Variants in VPS54 observed in about 807,000 individuals in gnomAD.
VPS54 encodes the protein vacuolar protein sorting-associated protein 54.
A neutral mutation model predicts 121.5 loss-of-function variants in VPS54; 45 were observed. The observed-to-expected ratio is 0.37, with a 90% CI of 0.29 to 0.47. The LOEUF is 0.47. VPS54 is among the 20% of genes least tolerant of loss of function. The pLI, the probability that VPS54 is intolerant of heterozygous loss-of-function variation, is 0.99. For missense variants in VPS54, 1,090 were observed against 1,131.4 expected (o/e 0.96, Z 0.52); for synonymous variants, 371 against 385.8 (o/e 0.96, Z 0.45).
At chr2:63,958,655 T>G (rs1326822913) in intron 7 of VPS54, among the ~76,000 whole-genome samples, 10 of 152,098 alleles carry the variant, frequency 6.6e-5, no homozygotes, top group Non-Finnish European at 1.5e-4. Flanking sequence ...TTCAAGGCTA[T>G]AGTTGAGCTA....
At chr2:63,900,819 G>T (rs185907591) in intron 20 of VPS54, among the ~76,000 whole-genome samples, 1 of 152,106 alleles carries the variant, frequency 6.6e-6, no homozygotes, top group Non-Finnish European at 1.5e-5. Flanking sequence ...CTGGAGTGCA[G>T]TGGTGCAATC....
At chr2:63,898,554 C>G (rs529303415) in intron 21 of VPS54, among the ~76,000 whole-genome samples, 1 of 152,088 alleles carries the variant, frequency 6.6e-6, no homozygotes, top group African/African-American at 2.4e-5. Context: ...AGGAGACCAG[C>G]AGGACCAACA....
intron 3 of VPS54, 76 bp from the exon 4 acceptor site, chr2:63,972,320 G>T: frequency 9.5e-7 from 1 of 1,049,286 alleles, no homozygotes; most frequent in Non-Finnish European, 1.4e-6. Flanking sequence ...TTTTGCAACA[G>T]AATATCAGAA....
intron 1 of VPS54, among the ~76,000 whole-genome samples, chr2:64,010,099 C>T (rs776174838): frequency 7.9e-5 from 12 of 152,160 alleles, no homozygotes; most frequent in Non-Finnish European, 1.5e-4. Context: ...ACCTCGGCCT[C>T]CCAAAGTGCT....
intron 12 of VPS54, among the ~76,000 whole-genome samples, chr2:63,929,848 A>G (rs1674102354): frequency 6.6e-6 from 1 of 152,250 alleles, no homozygotes; most frequent in Non-Finnish European, 1.5e-5. Context: ...CCAACCCCAC[A>G]GAAATACAAA....
At chr2:64,015,298 G>A (rs905292598) in intron 1 of VPS54, among the ~76,000 whole-genome samples, 1 of 152,066 alleles carries the variant, frequency 6.6e-6, no homozygotes, top group Middle Eastern at 3.4e-3. Flanking sequence ...CTAAACATAC[G>A]AAACAGTATC....
At chr2:63,927,286 G>C (rs1439298408) in intron 12 of VPS54, among the ~76,000 whole-genome samples, 3 of 152,088 alleles carry the variant, frequency 2.0e-5, no homozygotes, top group Non-Finnish European at 4.4e-5. Flanking sequence ...ACAGGTGGGT[G>C]CCCCTCTGTG....
At chr2:63,910,111 T>C (rs2104426718) in intron 20 of VPS54, among the ~76,000 whole-genome samples, 1 of 152,254 alleles carries the variant, frequency 6.6e-6, no homozygotes, top group South Asian at 2.1e-4. Context: ...ACATGAAAGG[T>C]TAAAAACTGA....
chr2:63,975,137 C>A, intron 3 of VPS54: 1 of 1,051,152 alleles, frequency 9.5e-7, no homozygotes. Flanking sequence ...CCTCCACCTC[C>A]TGGGTCCAAG....
Position 63,965,929 on chromosome 2 carries a change from A to G in VPS54, c.530T>C (p.Leu177Ser). The G allele has an allele frequency of 1.2e-6, 2 of 1,611,834 alleles. No homozygotes were observed. Among genetic ancestry groups the G allele is most frequent in the Non-Finnish European group, 1.7e-6 (2 of 1,179,470 alleles). Residue 177 changes from leucine (L) to serine (S), a missense_variant, in exon 6 of 23, where the codon TTA becomes TCA. Physicochemically the swap from Leu to Ser is moderately radical, Grantham distance 145 (BLOSUM62 -2). Around this residue, in one of 2 missense-constraint regions of VPS54, gnomAD observed 801 missense variants for 757.0 expected, o/e 1.06. Transcript: ENST00000272322. Reference protein sequence around the residue: ...MKPDFALDDSLTFNSVLPWSH... With the variant: ...MKPDFALDDSSTFNSVLPWSH... The stretch of plus-strand genomic sequence containing the variant: ...CCATGGTAAAACTGAATTAAAAGTT[A>G]AGGAATCATCCAAGGCAAAATCTGG...
chr2:63,978,104 C>T (rs1676632130), intron 3 of VPS54, among the ~76,000 whole-genome samples: 1 of 152,160 alleles, frequency 6.6e-6, no homozygotes, highest in African/African-American at 2.4e-5. Flanking sequence ...GAGCCTGTGC[C>T]CCTGGGCTGC....
intron 7 of VPS54, among the ~76,000 whole-genome samples, chr2:63,949,976 T>C (rs982726522): frequency 2.0e-5 from 3 of 152,176 alleles, no homozygotes; most frequent in African/African-American, 7.2e-5. Flanking sequence ...GCTGCTTCTA[T>C]CTCTTTTTCC....
chr2:63,916,934 G>C lies in VPS54; in HGVS notation c.2194C>G (p.Leu732Val). ...GCATACTGTTGTCCCTCGACAATAAGAACTTCAGCTGGTTTCCTTTCTTCT... is the reference window on the plus strand; with the variant it reads ...GCATACTGTTGTCCCTCGACAATAACAACTTCAGCTGGTTTCCTTTCTTCT... ...ATEERKPAEV[L>V]IVEGQQYAVV... is the part of the protein sequence containing the mutation. Residue 732 changes from leucine (L) to valine (V), a missense_variant, in exon 16 of 23, where the codon CTT becomes GTT. This residue lies in a region of VPS54 where 289 missense variants were observed against 374.4 expected (regional missense o/e 0.77). Coordinates refer to ENST00000272322, the MANE Select transcript of VPS54 (RefSeq NM_016516.3). 1 of 1,613,616 alleles carries C rather than the reference G, an allele frequency of 6.2e-7. No individual in the cohort carries two copies. The highest frequency in any genetic ancestry group is 8.5e-7 in the Non-Finnish European group (1 of 1,179,658).
intron 3 of VPS54, 59 bp from the exon 4 acceptor site, chr2:63,972,303 GAA>G (rs1676324396): frequency 2.3e-6 from 3 of 1,326,880 alleles, no homozygotes; most frequent in Non-Finnish European, 3.2e-6. Flanking sequence ...TTCAAAGCAT[GAA>G]AGTGTTTTGC....
At chr2:63,908,948 G>C (rs1257534617) in intron 20 of VPS54, among the ~76,000 whole-genome samples, 2 of 152,136 alleles carry the variant, frequency 1.3e-5, no homozygotes, top group Admixed American at 6.5e-5. Context: ...ACAATGAATT[G>C]CCTTAAAATT....
In VPS54 at chr2:63,965,039, T is replaced by A. The variant is rs891251150; in HGVS notation, c.624+796A>T. ...TGCTGACTAGTAACATGTAAAAGAC[T>A]AGGCTTTGCAAAGCTACAAAAACAA... On this transcript the variant is annotated intron_variant, in intron 6 of 22. Transcript: ENST00000272322. 4.5e-4 allele frequency among the ~76,000 whole-genome samples: 68 copies of A among 152,206 alleles called. 1 individual carries two copies. Among genetic ancestry groups the A allele is most frequent in the Admixed American group, 4.5e-3 (68 of 15,280 alleles).
chr2:64,010,060 T>C (rs1324805595), intron 1 of VPS54, among the ~76,000 whole-genome samples: 1 of 152,016 alleles, frequency 6.6e-6, no homozygotes, highest in East Asian at 1.9e-4. Context: ...CAGACTGGTC[T>C]CAAACTCCCG....
chr2:64,007,702 G>A (rs893872375), intron 1 of VPS54, among the ~76,000 whole-genome samples: 1 of 152,188 alleles, frequency 6.6e-6, no homozygotes, highest in African/African-American at 2.4e-5. Context: ...ATTACAAATG[G>A]AGAAAGTGCC....
intron 1 of VPS54, among the ~76,000 whole-genome samples, chr2:64,010,747 T>C (rs887518042): frequency 2.6e-5 from 4 of 152,218 alleles, no homozygotes; most frequent in Non-Finnish European, 5.9e-5. Context: ...GTATCACATA[T>C]TATTGCTCAC....
Sources: allele counts gnomAD v4.1 joint callset (sites outside exome capture counted in the v4.1 genomes callset), GRCh38; gene constraint gnomAD v4.1.1; regional missense constraint gnomAD v4.1.1; transcripts MANE v1.5; gene names NCBI Gene and HGNC (gene_info 2026-07-23, HGNC 2026-07-21).